The following SLC22A2 variants were observed in gnomAD, a reference collection of about 807,000 sequenced individuals.
SLC22A2 encodes organic cation transporter 2.
SLC22A2 carries 46 observed loss-of-function variants against 60.5 expected under a neutral mutation model. That is an observed-to-expected ratio of 0.76 (90% confidence interval 0.60 to 0.97). The LOEUF (loss-of-function observed/expected upper bound fraction) is 0.97, where lower values mean the gene tolerates loss of function less well. Among genes scored for constraint, SLC22A2 ranks in the 50% least tolerant of loss-of-function variants. The pLI is 0.00. For missense variants in SLC22A2, 701 were observed against 706.6 expected, an observed-to-expected ratio of 0.99 and a Z score of 0.09; for synonymous variants, 303 against 267.0, an observed-to-expected ratio of 1.13 and a Z score of -1.31.
At chr6:160,238,475 T>C (rs551871833) in intron 9 of SLC22A2, among the ~76,000 whole-genome samples, 2 of 152,330 alleles carry the variant, frequency 1.3e-5, no homozygotes, top group East Asian at 1.9e-4. Flanking sequence ...TCGTTTGGCA[T>C]TTTATATTTG....
chr6:160,249,523 A>C lies in SLC22A2; in HGVS notation c.674-139T>G. 1.0e-5 allele frequency: 7 copies of C among 695,172 alleles called. No homozygotes were observed. The Middle Eastern group carries it at 1.4e-3, about 134-fold the overall frequency. The allele number at this position is 695,172 out of a possible 1,614,324, so 43.1% of individuals were successfully genotyped here. The stretch of plus-strand genomic sequence containing the variant: ...CTACGCAACTCTCTGAATATTTTTA[A>C]GTGTTTTTTGGTTTTTATTTTGTTA... On this transcript the variant is annotated intron_variant, in intron 3 of 10. Transcript: ENST00000366953.
chr6:160,230,614 G>A (rs1782806427), intron 9 of SLC22A2, among the ~76,000 whole-genome samples: 1 of 151,980 alleles, frequency 6.6e-6, no homozygotes, highest in Non-Finnish European at 1.5e-5. Context: ...ATAGAGTAGA[G>A]GCAGCCAAGT....
intron 9 of SLC22A2, among the ~76,000 whole-genome samples, chr6:160,238,649 A>T (rs533944686): frequency 6.6e-6 from 1 of 152,364 alleles, no homozygotes; most frequent in East Asian, 1.9e-4. Flanking sequence ...AGAAAGAGAA[A>T]GAAGTTAAAA....
intron 4 of SLC22A2, 64 bp downstream of exon 4, chr6:160,249,152 A>AG: frequency 8.6e-7 from 1 of 1,167,864 alleles, no homozygotes. Flanking sequence ...GCATTAAGGA[A>AG]GGCAGACTTC....
chr6:160,247,116 A>T, intron 5 of SLC22A2, 68 bp downstream of exon 5: 1 of 917,138 alleles, frequency 1.1e-6, no homozygotes, highest in Non-Finnish European at 1.8e-6. Flanking sequence ...GATCACTGGC[A>T]TGCATGAATC....
intron 9 of SLC22A2, 32 bp from the exon 10 acceptor site, chr6:160,224,836 G>T (rs1425618725): frequency 1.5e-6 from 2 of 1,318,808 alleles, no homozygotes; most frequent in South Asian, 1.5e-5. Flanking sequence ...ATCACATTAA[G>T]AACTGAAAAA....
intron 10 of SLC22A2, among the ~76,000 whole-genome samples, chr6:160,224,315 C>T (rs151186258): frequency 1.6e-4 from 23 of 144,384 alleles, no homozygotes; most frequent in East Asian, 4.1e-4. Context: ...ATTAGGTGGT[C>T]GCTTTTATGG....
At chr6:160,218,690 T>TCAG (rs1782582313) in intron 10 of SLC22A2, among the ~76,000 whole-genome samples, 2 of 868 alleles carry the variant, frequency 2.3e-3, no homozygotes, top group South Asian at 0.036. Flanking sequence ...AGTAACAGCA[T>TCAG]CAGCAGCAGC....
At chr6:160,219,183 C>CAGCAACAACAGTAGCAACAACAGT (rs59061112) in intron 10 of SLC22A2, among the ~76,000 whole-genome samples, 1 of 142,772 alleles carries the variant, frequency 7.0e-6, no homozygotes, top group Non-Finnish European at 1.5e-5. Context: ...GCAACAACAG[C>CAGCAACAACAGTAGCAACAACAGT]AGCAACAACA....
At chr6:160,256,494 G>T (rs776815256) in intron 2 of SLC22A2, 120 bp downstream of exon 2, 2 of 694,588 alleles carry the variant, frequency 2.9e-6, no homozygotes, top group Non-Finnish European at 5.2e-6. Context: ...CAGCATGAAG[G>T]CCAGGAGATT....
intron 6 of SLC22A2, chr6:160,244,723 G>T (rs1783063151): frequency 6.6e-6 from 1 of 152,170 alleles, no homozygotes; most frequent in Admixed American, 6.5e-5. Flanking sequence ...CTATTGTAAA[G>T]GTTGCTAAAG....
rs754844210 is a variant in SLC22A2 at position 160,247,296 on chromosome 6, C to T, written c.845G>A (p.Cys282Tyr). 6 of 1,558,342 alleles carry T rather than the reference C, an allele frequency of 3.9e-6. No homozygotes were observed. The South Asian group carries it at 4.4e-5, about 12-fold the overall frequency. ...CAGCCACCTGGGAGACTCAGGTATG[C>T]ACCTAGGGTACAAGGTGAGCGGAGG... ...PNFFFLLYYW[C>Y]IPESPRWLIS... Residue 282 changes from cysteine to tyrosine, a missense_variant and splice_region_variant, in exon 5 of 11, where the codon TGC becomes TAC. By Grantham distance (194) the Cys-to-Tyr change is radical (BLOSUM62 -2). Coordinates refer to ENST00000366953, the MANE Select transcript of SLC22A2 (RefSeq NM_003058.4).
At chr6:160,229,925 C>T (rs1246213333) in intron 9 of SLC22A2, among the ~76,000 whole-genome samples, 3 of 151,768 alleles carry the variant, frequency 2.0e-5, no homozygotes, top group South Asian at 2.1e-4. Flanking sequence ...TAATTCTTGT[C>T]GTAAAATGGG....
chr6:160,249,394 G>T lies in SLC22A2; in HGVS notation c.674-10C>A. On this transcript the variant is annotated splice_polypyrimidine_tract_variant and intron_variant, in intron 3 of 10. Coordinates refer to ENST00000366953, the MANE Select transcript of SLC22A2 (RefSeq NM_003058.4). The stretch of plus-strand genomic sequence containing the variant: ...CCAACAAATTCTGTAACTGCAGAGA[G>T]AATTTGAATGGTTAATGCAATTCAA... 2 of 1,611,092 alleles carry T rather than the reference G, an allele frequency of 1.2e-6. No homozygotes were observed. Among genetic ancestry groups the T allele is most frequent in the Non-Finnish European group, 1.7e-6 (2 of 1,177,950 alleles).
At chr6:160,220,148 A>G (rs1782623536) in intron 10 of SLC22A2, among the ~76,000 whole-genome samples, 1 of 152,216 alleles carries the variant, frequency 6.6e-6, no homozygotes, top group Non-Finnish European at 1.5e-5. Flanking sequence ...ATCCTCTCAA[A>G]CCCTGATGCT....
At chr6:160,218,461 A>G (rs1782577961) in intron 10 of SLC22A2, among the ~76,000 whole-genome samples, 2 of 152,260 alleles carry the variant, frequency 1.3e-5, no homozygotes, top group Non-Finnish European at 2.9e-5. Context: ...TAGAAGCATC[A>G]GTGACAACAG....
intron 10 of SLC22A2, among the ~76,000 whole-genome samples, chr6:160,224,035 T>C (rs1411067224): frequency 6.6e-6 from 1 of 152,162 alleles, no homozygotes; most frequent in Non-Finnish European, 1.5e-5. Flanking sequence ...CAGCCCATGT[T>C]TGTAATTTTT....
intron 9 of SLC22A2, among the ~76,000 whole-genome samples, chr6:160,236,460 A>G (rs1329403071): frequency 2.6e-5 from 4 of 152,198 alleles, no homozygotes; most frequent in Non-Finnish European, 5.9e-5. Flanking sequence ...TTTGGAGCAC[A>G]TTTGTTTCTC....
intron 4 of SLC22A2, among the ~76,000 whole-genome samples, chr6:160,248,305 C>T (rs1388781226): frequency 6.6e-6 from 1 of 152,210 alleles, no homozygotes; most frequent in Non-Finnish European, 1.5e-5. Context: ...AGGAAGTGGG[C>T]TCCCATCAGG....
Sources: gnomAD v4.1 joint callset for allele counts (sites outside exome capture counted in the v4.1 genomes callset) on GRCh38, gnomAD v4.1.1 for gene constraint, MANE v1.5 for transcripts, NCBI Gene and HGNC (gene_info 2026-07-23, HGNC 2026-07-21) for gene names.